GJC3: variants seen among roughly 807,000 people sequenced by gnomAD.
GJC3 encodes the protein gap junction gamma-3 protein.
A neutral mutation model predicts 19.8 loss-of-function variants in GJC3; 17 were observed. The ratio of observed to expected loss-of-function variants is 0.86; its 90% CI spans 0.59 to 1.29. The LOEUF is 1.29. Among genes scored for constraint, GJC3 ranks in the 50% most tolerant of loss-of-function variants. The probability of loss-of-function intolerance (pLI) is 0.00; values close to 1 mark genes in which losing one functional copy is unlikely to be tolerated. For missense variants in GJC3, 317 were observed against 332.5 expected (o/e 0.95, Z 0.36); for synonymous variants, 140 against 136.5 (o/e 1.03, Z -0.18).
chr7:99,928,041 A>C (rs1819836438), intron 1 of GJC3, among the ~76,000 whole-genome samples: 1 of 152,208 alleles, frequency 6.6e-6, no homozygotes, highest in Non-Finnish European at 1.5e-5. Flanking sequence ...GAGGACACTG[A>C]CTTATATATG....
chr7:99,927,376 G>T (rs769973383), intron 1 of GJC3, among the ~76,000 whole-genome samples: 26 of 152,304 alleles, frequency 1.7e-4, no homozygotes, highest in Non-Finnish European at 3.2e-4. Context: ...GTGGTATAAG[G>T]AAGAATTCCA....
chr7:99,929,089 T>C lies in GJC3; in HGVS notation c.532A>G (p.Ile178Val). 1 of 1,613,928 alleles carries C rather than the reference T, an allele frequency of 6.2e-7. No individual in the cohort carries two copies. The highest frequency in any genetic ancestry group is 8.5e-7 in the Non-Finnish European group (1 of 1,180,012). The change falls in exon 1 of 2, where the codon ATA becomes GTA. Residue 178 changes from isoleucine (I) to valine (V), a missense_variant. By Grantham distance (29) the Ile-to-Val change is conservative (BLOSUM62 3). Transcript: ENST00000312891. ...ACRREPCLGS[I>V]TCNLSRPSEK... is the part of the protein sequence containing the mutation. ...GAGGGGCGGGACAGATTGCAGGTTA[T>C]ACTACCAAGGCAAGGTTCTCGGCGA... is the stretch of plus-strand genomic sequence containing the variant.
intron 1 of GJC3, among the ~76,000 whole-genome samples, chr7:99,924,421 C>G (rs1281700643): frequency 6.6e-6 from 1 of 152,118 alleles, no homozygotes; most frequent in South Asian, 2.1e-4. Flanking sequence ...AACCCCGTCT[C>G]TGCTAAAAAT....
In GJC3 at chr7:99,929,504, A is replaced by C. The variant is rs1380184414; in HGVS notation, c.117T>G (p.Ser39Arg). The C allele has an allele frequency of 6.2e-7, 1 of 1,614,158 alleles. No individual in the cohort carries two copies. The highest frequency in any genetic ancestry group is 8.5e-7 in the Non-Finnish European group (1 of 1,180,034). The part of the protein sequence containing the change: ...LGFRLVLLAA[S>R]GPGVYGDEQS... ...GCTCATCACCATAGACTCCAGGCCC[A>C]CTGGCAGCCAGCAGCACAAGGCGGA... The change falls in exon 1 of 2, where the codon AGT (serine) becomes AGG (arginine). Residue 39 changes from serine to arginine, a missense_variant. Physicochemically the swap from Ser to Arg is moderately radical, Grantham distance 110. Transcript: ENST00000312891.
At chr7:99,930,257 G>T (rs1293241937), upstream of GJC3, among the ~76,000 whole-genome samples, 1 of 152,154 alleles carries the variant, frequency 6.6e-6, no homozygotes, top group Non-Finnish European at 1.5e-5. Flanking sequence ...AAGCATCGAG[G>T]CTTGCTTTAG....
Position 99,929,398 on chromosome 7 carries a change from G to A in GJC3, c.223C>T (p.Arg75Cys), listed in dbSNP as rs376792016. The A allele has an allele frequency of 3.1e-6, 5 of 1,614,108 alleles. No individual in the cohort carries two copies. The South Asian group carries it at 4.4e-5, about 14-fold the overall frequency. Residue 75 changes from arginine (R) to cysteine (C), a missense_variant, in exon 1 of 2, where the codon CGT becomes TGT. Physicochemically the swap from Arg to Cys is radical, Grantham distance 180. Transcript: ENST00000312891. ...AAGATGACCTGGAAGACCCAGAAAC[G>A]CAGCGGGGAGAGGGGGTGGAAGGCA... Reference protein sequence around the residue: ...FDAFHPLSPLRFWVFQVILVA... With the variant: ...FDAFHPLSPLCFWVFQVILVA...
At position 99,929,140 on chromosome 7, in the gene GJC3, A is replaced by G. The variant is rs749681916; in HGVS notation, c.481T>C (p.Phe161Leu). The stretch of plus-strand genomic sequence containing the variant: ...CATGCAAAGGAGCTGGGCATCTGGA[A>G]CCCATACAGGTGGTACTGCAACCCC... ...ALGLQYHLYG[F>L]QMPSSFACRR... The change falls in exon 1 of 2, where the codon TTC becomes CTC. Residue 161 changes from phenylalanine (F) to leucine (L), a missense_variant. By Grantham distance (22) the Phe-to-Leu change is conservative (BLOSUM62 0). Coordinates refer to ENST00000312891, the MANE Select transcript of GJC3 (RefSeq NM_181538.3). The G allele has an allele frequency of 6.2e-7, 1 of 1,613,836 alleles. No homozygotes were observed. The highest frequency in any genetic ancestry group is 8.5e-7 in the Non-Finnish European group (1 of 1,179,986).
chr7:99,929,190 C>G lies in GJC3; in HGVS notation c.431G>C (p.Arg144Pro), dbSNP rs953025602. ...LWAYVAQLGA[R>P]LVLEGAALGL... Reference sequence around the variant, plus strand: ...CAGGGCTGCCCCCTCCAGGACAAGCCGAGCCCCCAGCTGAGCCACATAAGC... The same window carrying G: ...CAGGGCTGCCCCCTCCAGGACAAGCGGAGCCCCCAGCTGAGCCACATAAGC... The change falls in exon 1 of 2, where the codon CGG becomes CCG. Residue 144 changes from arginine to proline, a missense_variant. Arg to Pro is a moderately radical substitution (Grantham distance 103, BLOSUM62 -2). Transcript: ENST00000312891. The G allele has an allele frequency of 6.8e-6, 11 of 1,613,856 alleles. No individual in the cohort carries two copies. The highest frequency in any genetic ancestry group is 9.3e-6 in the Non-Finnish European group (11 of 1,179,904).
intron 1 of GJC3, among the ~76,000 whole-genome samples, chr7:99,927,723 G>A (rs1049742468): frequency 2.6e-5 from 4 of 151,874 alleles, no homozygotes; most frequent in Admixed American, 1.3e-4. Flanking sequence ...GCAGTTACCC[G>A]CCGAATCACA....
At chr7:99,928,775 C>G (rs971384684) in intron 1 of GJC3, 65 bp downstream of exon 1, 5 of 1,504,236 alleles carry the variant, frequency 3.3e-6, no homozygotes, top group Non-Finnish European at 4.6e-6. Flanking sequence ...GGTGAGGGAC[C>G]TGCCCCGGGA....
chr7:99,923,684 T>C (rs983084614), intron 1 of GJC3, 81 bp from the exon 2 acceptor site: 2 of 742,182 alleles, frequency 2.7e-6, no homozygotes, highest in Non-Finnish European at 5.0e-6. Flanking sequence ...CCAAGGACCC[T>C]GGGTTACACT....
In GJC3 at chr7:99,928,819, AAG is replaced by A. The variant is rs779284399; in HGVS notation, c.781+19_781+20del. 1 of 1,611,286 alleles carries A rather than the reference AAG, an allele frequency of 6.2e-7. No individual in the cohort carries two copies. Among genetic ancestry groups the A allele is most frequent in the Non-Finnish European group, 8.5e-7 (1 of 1,177,434 alleles). ...TCAGGACACAAACATCAGTGACAGG[AAG>A]AGAGCGTGTCCTTCTCACCTGCTTC... On this transcript the variant is annotated intron_variant, in intron 1 of 1. Transcript: ENST00000312891.
At chr7:99,928,807 A>G in intron 1 of GJC3, 33 bp downstream of exon 1, 2 of 1,605,184 alleles carry the variant, frequency 1.2e-6, no homozygotes, top group Non-Finnish European at 1.7e-6. Flanking sequence ...GGACACAAAC[A>G]TCAGTGACAG....
intron 1 of GJC3, 50 bp downstream of exon 1, chr7:99,928,790 A>T: frequency 6.4e-7 from 1 of 1,564,394 alleles, no homozygotes; most frequent in Non-Finnish European, 8.8e-7. Flanking sequence ...CCGGGAGGAG[A>T]TCATCAGGAC....
chr7:99,927,945 A>G (rs766024939), intron 1 of GJC3, among the ~76,000 whole-genome samples: 10 of 152,274 alleles, frequency 6.6e-5, no homozygotes, highest in Non-Finnish European at 1.2e-4. Flanking sequence ...CAGAGCTATC[A>G]GTGATCAAGG....
chr7:99,927,750 C>T (rs1819832730), intron 1 of GJC3, among the ~76,000 whole-genome samples: 1 of 152,140 alleles, frequency 6.6e-6, no homozygotes, highest in African/African-American at 2.4e-5. Flanking sequence ...TGTCAGCCTC[C>T]CTTGCTGTTA....
At chr7:99,928,782 GGGA>G in intron 1 of GJC3, 55 bp downstream of exon 1, 1 of 1,533,972 alleles carries the variant, frequency 6.5e-7, no homozygotes. Context: ...GACCTGCCCC[GGGA>G]GGAGATCATC....
chr7:99,930,220 A>G (rs1020299497), upstream of GJC3, among the ~76,000 whole-genome samples: 12 of 152,288 alleles, frequency 7.9e-5, no homozygotes, highest in African/African-American at 2.9e-4. Flanking sequence ...TTATGGGGCT[A>G]GATGTGATGG....
chr7:99,929,170 C>T lies in GJC3; in HGVS notation c.451G>A (p.Ala151Thr). The change falls in exon 1 of 2, where the codon GCC becomes ACC. Residue 151 changes from alanine (A) to threonine (T), a missense_variant. Transcript: ENST00000312891. ...LGARLVLEGA[A>T]LGLQYHLYGF... ...TACAGGTGGTACTGCAACCCCAGGGCTGCCCCCTCCAGGACAAGCCGAGCC... is the reference window on the plus strand; with the variant it reads ...TACAGGTGGTACTGCAACCCCAGGGTTGCCCCCTCCAGGACAAGCCGAGCC... 6.2e-7 allele frequency: 1 copy of T among 1,613,840 alleles called. No homozygotes were observed. Among genetic ancestry groups the T allele is most frequent in the Non-Finnish European group, 8.5e-7 (1 of 1,179,854 alleles).
Sources: allele counts gnomAD v4.1 joint callset (sites outside exome capture counted in the v4.1 genomes callset), GRCh38; gene constraint gnomAD v4.1.1; transcripts MANE v1.5; gene names NCBI Gene and HGNC (gene_info 2026-07-23, HGNC 2026-07-21).